DRC8: variants seen among roughly 807,000 people sequenced by gnomAD.
DRC8 encodes dynein regulatory complex protein 8.
chr1:245,091,086 G>A, the DRC8 span: 1 of 152,248 alleles, frequency 6.6e-6, no homozygotes, highest in South Asian at 2.1e-4. Flanking sequence ...CCACTGGCTC[G>A]GCCGTGCATG....
the DRC8 span, among the ~76,000 whole-genome samples, chr1:245,038,739 T>C: frequency 2.0e-5 from 3 of 152,160 alleles, no homozygotes; most frequent in East Asian, 5.8e-4. Flanking sequence ...GTGCAACAAG[T>C]ATCTAGGTTT....
chr1:245,017,361 A>G, the DRC8 span: 1 of 1,558,634 alleles, frequency 6.4e-7, no homozygotes, highest in East Asian at 2.3e-5. Flanking sequence ...TACACTTTTA[A>G]ATTACTGATA....
At chr1:245,120,096 A>AT in the DRC8 span, among the ~76,000 whole-genome samples, 3 of 152,174 alleles carry the variant, frequency 2.0e-5, no homozygotes, top group East Asian at 1.9e-4. Flanking sequence ...GACCTAATTT[A>AT]TTTTTTTGAA....
the DRC8 span, among the ~76,000 whole-genome samples, chr1:244,978,503 A>AC: frequency 1.3e-5 from 2 of 151,718 alleles, no homozygotes; most frequent in Non-Finnish European, 2.9e-5. Flanking sequence ...AAAAAAAAAA[A>AC]AAAAGAGACG....
chr1:245,066,650 G>A, the DRC8 span, among the ~76,000 whole-genome samples: 1 of 152,210 alleles, frequency 6.6e-6, no homozygotes, highest in Admixed American at 6.5e-5. Flanking sequence ...GCTCACACCT[G>A]TAATCCCAGC....
chr1:245,022,699 ATGCATG>A, the DRC8 span, among the ~76,000 whole-genome samples: 115 of 152,206 alleles, frequency 7.6e-4, no homozygotes, highest in African/African-American at 2.7e-3. Context: ...ATGTATGAGT[ATGCATG>A]TGCATGTGCG....
At chr1:245,033,689 TC>T in the DRC8 span, among the ~76,000 whole-genome samples, 1 of 152,172 alleles carries the variant, frequency 6.6e-6, no homozygotes, top group African/African-American at 2.4e-5. Context: ...TCTTTTGTTT[TC>T]TTTTCTTTTC....
the DRC8 span, among the ~76,000 whole-genome samples, chr1:244,973,029 A>T: frequency 3.3e-5 from 5 of 151,946 alleles, no homozygotes; most frequent in South Asian, 1.0e-3. Context: ...TTTGATTGTC[A>T]GCTACTGTAT....
the DRC8 span, among the ~76,000 whole-genome samples, chr1:245,004,131 T>C: frequency 2.6e-5 from 4 of 152,124 alleles, no homozygotes; most frequent in Non-Finnish European, 5.9e-5. Context: ...CCCTGGCTAG[T>C]CTCAAACTCC....
chr1:245,035,605 G>A, the DRC8 span, among the ~76,000 whole-genome samples: 2 of 152,232 alleles, frequency 1.3e-5, no homozygotes, highest in East Asian at 3.9e-4. Context: ...AGTGGCTCAC[G>A]CCTGTAATTC....
At chr1:245,100,642 G>T in the DRC8 span, among the ~76,000 whole-genome samples, 3,901 of 151,420 alleles carry the variant, frequency 0.026, 84 homozygotes, top group African/African-American at 0.052. Flanking sequence ...TTAGCCAGGT[G>T]TGGTGGTGCA....
the DRC8 span, among the ~76,000 whole-genome samples, chr1:245,006,965 CAACAAA>C: frequency 3.6e-5 from 4 of 111,858 alleles, no homozygotes; most frequent in African/African-American, 1.1e-4. Flanking sequence ...ACAACAACAA[CAACAAA>C]AAACCCCAGA....
At chr1:245,003,948 T>C in the DRC8 span, among the ~76,000 whole-genome samples, 1 of 152,182 alleles carries the variant, frequency 6.6e-6, no homozygotes, top group Non-Finnish European at 1.5e-5. Flanking sequence ...CAGGCTAGAC[T>C]TGAACTCCTG....
At chr1:245,119,709 G>A in the DRC8 span, among the ~76,000 whole-genome samples, 419 of 151,680 alleles carry the variant, frequency 2.8e-3, 2 homozygotes, top group African/African-American at 9.5e-3. Context: ...CGAGGCATGC[G>A]GATCACAAGG....
the DRC8 span, among the ~76,000 whole-genome samples, chr1:245,039,911 T>C: frequency 6.6e-6 from 1 of 152,218 alleles, no homozygotes; most frequent in Admixed American, 6.5e-5. Context: ...GTACTGATGA[T>C]GTTAACCTTA....
At chr1:244,970,504 G>A in the DRC8 span, 10 of 1,509,384 alleles carry the variant, frequency 6.6e-6, no homozygotes, top group Non-Finnish European at 8.8e-6. Context: ...CGGGCTGCAC[G>A]GGGAAGCGCC....
At chr1:245,034,623 A>G in the DRC8 span, among the ~76,000 whole-genome samples, 141 of 139,666 alleles carry the variant, frequency 1.0e-3, no homozygotes, top group African/African-American at 3.2e-3. Flanking sequence ...AAAAAAAAAA[A>G]AAAAGAAAAG....
At chr1:244,970,073 G>A in the DRC8 span, 5 of 651,584 alleles carry the variant, frequency 7.7e-6, no homozygotes, top group African/African-American at 2.0e-5. Flanking sequence ...GTCCCCAAAT[G>A]GATGAGAAAT....
the DRC8 span, among the ~76,000 whole-genome samples, chr1:244,983,203 T>C: frequency 8.5e-4 from 130 of 152,316 alleles, 2 homozygotes; most frequent in Middle Eastern, 0.027. Context: ...TTAAGAAACA[T>C]TGATCTAAAA....
Sources: allele counts gnomAD v4.1 joint callset (sites outside exome capture counted in the v4.1 genomes callset), GRCh38; gene constraint gnomAD v4.1.1; transcripts MANE v1.5; gene names NCBI Gene and HGNC (gene_info 2026-07-23, HGNC 2026-07-21).